HIPK2: variants seen among roughly 807,000 people sequenced by gnomAD.
HIPK2 encodes homeodomain interacting protein kinase 2.
In HIPK2, 27 loss-of-function variants were observed where a neutral mutation model predicts 113.7. The observed-to-expected ratio is 0.24, with a 90% CI of 0.17 to 0.33. The LOEUF (loss-of-function observed/expected upper bound fraction) is 0.33. Among genes scored for constraint, HIPK2 ranks in the 10% least tolerant of loss-of-function variants. HIPK2 has a pLI of 1.00. For synonymous variants in HIPK2, 631 were observed against 642.2 expected (o/e 0.98, Z 0.26); for missense variants, 1,257 against 1,588.0 (o/e 0.79, Z 3.54).
intron 1 of HIPK2, among the ~76,000 whole-genome samples, chr7:139,762,819 G>A (rs1453432692): frequency 6.6e-6 from 1 of 152,218 alleles, no homozygotes; most frequent in East Asian, 1.9e-4. Flanking sequence ...TATCTTCATG[G>A]AGCTTGCAGC....
At position 139,626,647 on chromosome 7, in the gene HIPK2, G is replaced by C. The variant is rs543724948; in HGVS notation, c.1573C>G (p.Pro525Ala). The C allele has an allele frequency of 9.9e-6, 16 of 1,613,880 alleles. No homozygotes were observed. The highest frequency in any genetic ancestry group is 1.6e-4 in the Middle Eastern group (1 of 6,084). The change falls in exon 6 of 15, where the codon CCC (proline) becomes GCC (alanine). Residue 525 changes from proline to alanine, a missense_variant. Physicochemically the swap from Pro to Ala is conservative, Grantham distance 27. Transcript: ENST00000406875. ...RITPIETLNH[P>A]FVTMTHLLDF... is the part of the protein sequence containing the mutation. ...AGTAAGTGTGTCATGGTGACAAAGG[G>C]ATGGTTCAGGGTTTCGATTGGAGTG...
In HIPK2 at chr7:139,631,267, T is replaced by C; in HGVS notation, c.1245A>G (p.Gln415=). 6.2e-7 allele frequency: 1 copy of C among 1,613,078 alleles called. No homozygotes were observed. Among genetic ancestry groups the C allele is most frequent in the Non-Finnish European group, 8.5e-7 (1 of 1,179,504 alleles). ...SEYDQIRYIS[Q]TQGLPAEYLL... ...AATATTCAGCAGGCAAACCCTGTGT[T>C]TGTGAAATATACCGAATCTGCAAGA... The change falls in exon 4 of 15, where the codon CAA becomes CAG. Residue 415 remains glutamine (Q), a synonymous_variant. Coordinates refer to ENST00000406875, the MANE Select transcript of HIPK2 (RefSeq NM_022740.5). The surrounding 1 kb of genome is among the most constrained non-coding windows in gnomAD (Gnocchi z 4.9).
intron 1 of HIPK2, among the ~76,000 whole-genome samples, chr7:139,768,278 T>TCATCTGGACTGAAATGCTTCC (rs1310219076): frequency 6.6e-6 from 1 of 152,130 alleles, no homozygotes; most frequent in Non-Finnish European, 1.5e-5. Context: ...CAAATGCTGC[T>TCATCTGGACTGAAATGCTTCC]CATCTGGACT....
At position 139,620,567 on chromosome 7, in the gene HIPK2, T is replaced by C; in HGVS notation, c.1620-4A>G. ...GTTCTGGAAACATGATTTGACGCTG[T>C]TCATGCAAAAGGCAGAGGCATATTG... On this transcript the variant is annotated splice_region_variant and splice_polypyrimidine_tract_variant and intron_variant, in intron 6 of 14. Transcript: ENST00000406875. The C allele has an allele frequency of 1.2e-6, 2 of 1,613,962 alleles. No homozygotes were observed. The highest frequency in any genetic ancestry group is 2.2e-5 in the South Asian group (2 of 91,056).
intron 13 of HIPK2, among the ~76,000 whole-genome samples, chr7:139,583,251 C>A (rs1431910573): frequency 6.6e-6 from 1 of 152,196 alleles, no homozygotes; most frequent in Non-Finnish European, 1.5e-5. Flanking sequence ...TATTCCAGGG[C>A]CCAATTTTCA....
intron 9 of HIPK2, among the ~76,000 whole-genome samples, chr7:139,611,883 TA>T (rs1799841332): frequency 1.3e-5 from 2 of 152,160 alleles, no homozygotes; most frequent in African/African-American, 4.8e-5. Flanking sequence ...TGTTCATGGA[TA>T]AAAATGACTT....
Position 139,655,214 on chromosome 7 carries a change from G to C in HIPK2, c.1104-23489C>G, listed in dbSNP as rs546828680. Among the ~76,000 whole-genome samples, 4 of 152,308 alleles carry C rather than the reference G, an allele frequency of 2.6e-5. No homozygotes were observed. In the East Asian group the frequency reaches 7.7e-4, roughly 29 times the overall value. On this transcript the variant is annotated intron_variant, in intron 2 of 14. Transcript: ENST00000406875. ...TGACAAGGATCACAGTCAGTTAAGG[G>C]ACCACAGTCATGACAAATACAAACC...
In HIPK2 at chr7:139,574,027, C is replaced by G. The variant is rs201567305; in HGVS notation, c.3127-630G>C. 2.4e-4 allele frequency among the ~76,000 whole-genome samples: 36 copies of G among 152,152 alleles called. 1 individual carries two copies. In the East Asian group the frequency reaches 6.6e-3, roughly 28 times the overall value. On this transcript the variant is annotated intron_variant, in intron 14 of 14. Transcript: ENST00000406875. The stretch of plus-strand genomic sequence containing the variant: ...CCAGGCTGGAGTGCAGTGGCATGAA[C>G]CTAGCTCACTGTAGCCTTGAACTCC...
intron 1 of HIPK2, among the ~76,000 whole-genome samples, chr7:139,762,239 T>C (rs1443234866): frequency 6.6e-6 from 1 of 152,160 alleles, no homozygotes; most frequent in Non-Finnish European, 1.5e-5. Flanking sequence ...AAATCAAAGA[T>C]TTCTTCCCCA....
rs1457911636 is a variant in HIPK2, at chr7:139,683,927, C to T, written c.1103+32005G>A. Among the ~76,000 whole-genome samples, 1 of 151,218 alleles carries T rather than the reference C, an allele frequency of 6.6e-6. No homozygotes were observed. Among genetic ancestry groups the T allele is most frequent in the African/African-American group, 2.4e-5 (1 of 41,214 alleles). On this transcript the variant is annotated intron_variant, in intron 2 of 14. Transcript: ENST00000406875. This position sits in a 1 kb window ranked among gnomAD's most constrained non-coding sequence, Gnocchi z 4.2. ...AGAGACATACCTCATTATATTGCCCCTAGCTTGACTGAGCTTTGCAGATAC... is the reference window on the plus strand; with the variant it reads ...AGAGACATACCTCATTATATTGCCCTTAGCTTGACTGAGCTTTGCAGATAC...
intron 12 of HIPK2, among the ~76,000 whole-genome samples, chr7:139,589,116 T>G (rs751071397): frequency 3.9e-5 from 6 of 152,202 alleles, no homozygotes; most frequent in Non-Finnish European, 5.9e-5. Context: ...AGCTCTGCTG[T>G]TCCTTTACTG....
intron 2 of HIPK2, among the ~76,000 whole-genome samples, chr7:139,656,941 GC>G (rs1801691748): frequency 6.6e-6 from 1 of 151,872 alleles, no homozygotes; most frequent in Non-Finnish European, 1.5e-5. Flanking sequence ...CACAATCTCG[GC>G]TCACTGCAAC....
At chr7:139,672,361 G>GT (rs1802333068) in intron 2 of HIPK2, among the ~76,000 whole-genome samples, 1 of 152,088 alleles carries the variant, frequency 6.6e-6, no homozygotes, top group Admixed American at 6.6e-5. Context: ...AAACTACTGG[G>GT]TAAGTTCTAA....
chr7:139,604,327 A>G lies in HIPK2; in HGVS notation c.2113-104T>C, dbSNP rs796127757. ...GCCTGGGGTTGTGCTAGACATTCTC[A>G]TGGGTGTGAGAGTGAGGGCCTGGTC... On this transcript the variant is annotated intron_variant, in intron 9 of 14. Transcript: ENST00000406875. 7 of 1,487,282 alleles carry G rather than the reference A, an allele frequency of 4.7e-6. No individual in the cohort carries two copies. In the African/African-American group the frequency reaches 8.4e-5, roughly 18 times the overall value. The allele number at this position is 1,487,282 out of a possible 1,614,324, so 92.1% of individuals were successfully genotyped here. A position where few individuals can be genotyped will look rare whatever the true frequency, so the allele number is the denominator to read the frequency against.
intron 2 of HIPK2, among the ~76,000 whole-genome samples, chr7:139,704,598 C>T (rs537937899): frequency 1.9e-3 from 284 of 151,354 alleles, no homozygotes; most frequent in Non-Finnish European, 3.1e-3. Context: ...CACATGCCTA[C>T]CATACATAAA....
chr7:139,695,173 A>G (rs901096374), intron 2 of HIPK2, among the ~76,000 whole-genome samples: 5 of 152,326 alleles, frequency 3.3e-5, no homozygotes, highest in Admixed American at 2.6e-4. Flanking sequence ...AGTGAAATAT[A>G]GTTTATTAAT....
In HIPK2 at chr7:139,563,971, G is replaced by C. The variant is rs1798020958; in HGVS notation, c.*8956C>G. ...CCCAGTCTGTTTCTGCATGACAGTG[G>C]GGCCCATTCCTGTCTCGAAGCATCT... is the stretch of plus-strand genomic sequence containing the variant. On this transcript the variant is annotated 3_prime_UTR_variant, in exon 15 of 15. Transcript: ENST00000406875. 1 of 398,526 alleles carries C rather than the reference G, an allele frequency of 2.5e-6. No homozygotes were observed. Among genetic ancestry groups the C allele is most frequent in the Non-Finnish European group, 4.4e-6 (1 of 226,062 alleles). 24.7% of individuals were successfully genotyped at this position (398,526 alleles called of 1,614,324 possible).
chr7:139,626,246 G>A (rs1800424644), intron 6 of HIPK2, among the ~76,000 whole-genome samples: 1 of 151,890 alleles, frequency 6.6e-6, no homozygotes, highest in African/African-American at 2.4e-5. Context: ...GGGATTACAG[G>A]TGCGCCCCAC....
chr7:139,591,618 A>C (rs1405434736), intron 12 of HIPK2, among the ~76,000 whole-genome samples: 1 of 152,076 alleles, frequency 6.6e-6, no homozygotes, highest in Non-Finnish European at 1.5e-5. Context: ...CCCCTGAGCC[A>C]CTCTACTCAG....
Sources: gnomAD v4.1 joint callset for allele counts (sites outside exome capture counted in the v4.1 genomes callset) on GRCh38, gnomAD v4.1.1 for gene constraint, Gnocchi (gnomAD v3.1) non-coding constraint, MANE v1.5 for transcripts, NCBI Gene and HGNC (gene_info 2026-07-23, HGNC 2026-07-21) for gene names.